TRAM1: variants seen among roughly 807,000 people sequenced by gnomAD.
TRAM1 encodes the protein translocation associated membrane protein 1.
TRAM1 carries 17 observed loss-of-function variants against 48.7 expected under a neutral mutation model. The ratio of observed to expected loss-of-function variants is 0.35; its 90% confidence interval spans 0.24 to 0.52. The LOEUF (loss-of-function observed/expected upper bound fraction) is 0.52. Among genes scored for constraint, TRAM1 ranks in the 20% least tolerant of loss-of-function variants. TRAM1 has a pLI of 0.94. For missense variants in TRAM1, 351 were observed against 441.5 expected (o/e 0.79, Z 1.84); for synonymous variants, 182 against 154.0 (o/e 1.18, Z -1.34).
Position 70,598,030 on chromosome 8 carries a change from A to G in TRAM1, c.310-19T>C, listed in dbSNP as rs1488594942. On this transcript the variant is annotated intron_variant, in intron 3 of 10. Coordinates refer to ENST00000262213, the MANE Select transcript of TRAM1 (RefSeq NM_014294.6). ...TAATTTTCTAAAAATAAAAACAGCCATTAGTAATTAAGAATAAATTATAAA... is the reference window on the plus strand; with the variant it reads ...TAATTTTCTAAAAATAAAAACAGCCGTTAGTAATTAAGAATAAATTATAAA... 6.5e-7 allele frequency: 1 copy of G among 1,545,912 alleles called. No individual in the cohort carries two copies. The highest frequency in any genetic ancestry group is 8.8e-7 in the Non-Finnish European group (1 of 1,142,368).
intron 2 of TRAM1, among the ~76,000 whole-genome samples, chr8:70,599,503 T>C (rs916892765): frequency 1.3e-5 from 2 of 152,196 alleles, no homozygotes; most frequent in Non-Finnish European, 1.5e-5. Context: ...TAAAACCTAA[T>C]AGTTTGGATG....
At chr8:70,587,698 T>C (rs1817257063) in intron 6 of TRAM1, 1 of 152,470 alleles carries the variant, frequency 6.6e-6, no homozygotes, top group African/African-American at 2.4e-5. Context: ...TTACCTAAAA[T>C]AGGATTCACA....
chr8:70,583,593 CTGA>C (rs1419226885), intron 9 of TRAM1, 54 bp downstream of exon 9: 1 of 1,557,318 alleles, frequency 6.4e-7, no homozygotes, highest in African/African-American at 1.4e-5. Context: ...TGTAGAGAAA[CTGA>C]TAATATATAT....
chr8:70,603,479 G>A (rs1817654025), intron 1 of TRAM1, among the ~76,000 whole-genome samples: 1 of 152,130 alleles, frequency 6.6e-6, no homozygotes, highest in Non-Finnish European at 1.5e-5. Flanking sequence ...CACTTTGGGA[G>A]GCCAAGGTGG....
chr8:70,593,419 T>C (rs1166437559), intron 6 of TRAM1, among the ~76,000 whole-genome samples: 2 of 150,532 alleles, frequency 1.3e-5, no homozygotes, highest in African/African-American at 4.9e-5. Context: ...AAAAAAGAAA[T>C]TTTAAATGCG....
chr8:70,600,141 T>C (rs1201457758), intron 1 of TRAM1, 59 bp from the exon 2 acceptor site: 7 of 1,413,168 alleles, frequency 5.0e-6, no homozygotes, highest in South Asian at 2.3e-5. Flanking sequence ...AAATAACAGA[T>C]CGGGGCAAAA....
chr8:70,590,358 C>A (rs1427654845), intron 6 of TRAM1, among the ~76,000 whole-genome samples: 1 of 152,134 alleles, frequency 6.6e-6, no homozygotes, highest in Non-Finnish European at 1.5e-5. Flanking sequence ...AAAGCCATTC[C>A]ATTTCTGATC....
intron 8 of TRAM1, 91 bp downstream of exon 8, chr8:70,586,804 A>T: frequency 9.5e-7 from 1 of 1,057,890 alleles, no homozygotes; most frequent in Non-Finnish European, 1.4e-6. Flanking sequence ...TTAAAAAGTT[A>T]ATATAATGGC....
At chr8:70,595,398 C>T (rs888244007) in intron 5 of TRAM1, among the ~76,000 whole-genome samples, 1 of 152,054 alleles carries the variant, frequency 6.6e-6, no homozygotes, top group African/African-American at 2.4e-5. Context: ...GAGTATGATT[C>T]AGTAGAGTGG....
intron 1 of TRAM1, among the ~76,000 whole-genome samples, chr8:70,601,272 G>C (rs1387817878): frequency 6.6e-6 from 1 of 152,094 alleles, no homozygotes; most frequent in Admixed American, 6.5e-5. Context: ...TCTATGGTCT[G>C]ACTCCTCTCT....
At chr8:70,593,431 A>C (rs1407189109) in intron 6 of TRAM1, among the ~76,000 whole-genome samples, 1 of 152,042 alleles carries the variant, frequency 6.6e-6, no homozygotes, top group Non-Finnish European at 1.5e-5. Context: ...TTAAATGCGG[A>C]AAAATGTAAA....
chr8:70,582,136 T>G (rs1474915985), intron 10 of TRAM1, among the ~76,000 whole-genome samples: 1 of 152,154 alleles, frequency 6.6e-6, no homozygotes, highest in Non-Finnish European at 1.5e-5. Flanking sequence ...TTAAAAATAT[T>G]ACTTGGAGAA....
intron 6 of TRAM1, 113 bp from the exon 7 acceptor site, chr8:70,587,289 G>C (rs1817244442): frequency 1.0e-5 from 10 of 980,806 alleles, no homozygotes; most frequent in Non-Finnish European, 1.4e-5. Context: ...TTGGACTCAA[G>C]AGAACCCCCA....
chr8:70,574,665 A>C lies in TRAM1; in HGVS notation c.*267T>G. ...GTTTTCTCTCCAAATCATTAGAAAA[A>C]TGTTCAAAAATAAAAACAAAATAAA... is the stretch of plus-strand genomic sequence containing the variant. On this transcript the variant is annotated 3_prime_UTR_variant, in exon 11 of 11. Transcript: ENST00000262213. The C allele has an allele frequency of 3.6e-6, 1 of 276,560 alleles. No homozygotes were observed. Among genetic ancestry groups the C allele is most frequent in the Non-Finnish European group, 6.7e-6 (1 of 149,232 alleles). 17.1% of individuals were successfully genotyped at this position (276,560 alleles called of 1,614,324 possible). A position where few individuals can be genotyped will look rare whatever the true frequency, so the allele number is the denominator to read the frequency against.
At chr8:70,580,043 C>T (rs997085067) in intron 10 of TRAM1, among the ~76,000 whole-genome samples, 1 of 151,878 alleles carries the variant, frequency 6.6e-6, no homozygotes, top group African/African-American at 2.4e-5. Context: ...AAGAAAATAC[C>T]TGAGAATAAA....
chr8:70,587,877 G>A (rs564158535), intron 6 of TRAM1, among the ~76,000 whole-genome samples: 1 of 151,808 alleles, frequency 6.6e-6, no homozygotes, highest in Admixed American at 6.6e-5. Context: ...TTATCTAGTT[G>A]AGCTGGTTAT....
rs747096650 is a variant in TRAM1, at chr8:70,596,315, A to T, written c.433T>A (p.Tyr145Asn). ...CATAAGATAGTTGGGTCTGAGATGT[A>T]GTTTTCCTAAGAAAGAAGATATAAA... is the stretch of plus-strand genomic sequence containing the variant. ...WGTFILISEN[Y>N]ISDPTILWRA... is the part of the protein sequence containing the mutation. The change falls in exon 5 of 11, where the codon TAC becomes AAC. Residue 145 changes from tyrosine to asparagine, a missense_variant. Tyr to Asn is a moderately radical substitution (Grantham distance 143). Transcript: ENST00000262213. 6.3e-7 allele frequency: 1 copy of T among 1,594,476 alleles called. No homozygotes were observed. The highest frequency in any genetic ancestry group is 1.8e-5 in the Admixed American group (1 of 56,364).
chr8:70,596,693 T>C (rs1817493792), intron 4 of TRAM1, among the ~76,000 whole-genome samples: 1 of 152,108 alleles, frequency 6.6e-6, no homozygotes, highest in Non-Finnish European at 1.5e-5. Flanking sequence ...CAGGAAAAGT[T>C]TGTAGCATCT....
intron 6 of TRAM1, among the ~76,000 whole-genome samples, chr8:70,589,061 A>C (rs1002876050): frequency 1.8e-4 from 27 of 152,210 alleles, no homozygotes; most frequent in African/African-American, 5.5e-4. Context: ...TTTGAGGAGT[A>C]GAGATTTTTT....
Sources: allele counts gnomAD v4.1 joint callset (sites outside exome capture counted in the v4.1 genomes callset), GRCh38; gene constraint gnomAD v4.1.1; transcripts MANE v1.5; gene names NCBI Gene and HGNC (gene_info 2026-07-23, HGNC 2026-07-21).